SLC38A9: variants seen among roughly 807,000 people sequenced by gnomAD.
The protein encoded by SLC38A9 is solute carrier family 38 member 9, also known as neutral amino acid transporter 9.
Under a neutral mutation model 62.3 loss-of-function variants are expected in SLC38A9, and 48 were observed. The ratio of observed to expected loss-of-function variants is 0.77; its 90% CI spans 0.61 to 0.98. The LOEUF (loss-of-function observed/expected upper bound fraction) is 0.98, where lower values mean the gene tolerates loss of function less well. Among genes scored for constraint, SLC38A9 ranks in the 50% least tolerant of loss-of-function variants. The probability of loss-of-function intolerance (pLI) is 0.00; values close to 1 mark genes in which losing one functional copy is unlikely to be tolerated. For synonymous variants in SLC38A9, 204 were observed against 227.7 expected, an observed-to-expected ratio of 0.90 and a Z score of 0.94; for missense variants, 541 against 679.8, an observed-to-expected ratio of 0.80 and a Z score of 2.27.
intron 9 of SLC38A9, among the ~76,000 whole-genome samples, chr5:55,653,819 C>T (rs564207332): frequency 4.6e-5 from 7 of 152,004 alleles, no homozygotes; most frequent in South Asian, 2.1e-4. Context: ...CCACCATGCC[C>T]GGCTAATTTT....
intron 3 of SLC38A9, chr5:55,691,241 C>T (rs1325385684): frequency 2.6e-6 from 3 of 1,151,584 alleles, no homozygotes; most frequent in Non-Finnish European, 3.8e-6. Flanking sequence ...TAGACTAAGT[C>T]TCTGACATAT....
At chr5:55,707,337 A>C (rs1022312659) in intron 2 of SLC38A9, among the ~76,000 whole-genome samples, 1 of 152,236 alleles carries the variant, frequency 6.6e-6, no homozygotes, top group Non-Finnish European at 1.5e-5. Context: ...AAAATGCTAA[A>C]TACTTCTATA....
chr5:55,627,861 TA>T, intron 15 of SLC38A9, 29 bp downstream of exon 15: 1 of 1,372,142 alleles, frequency 7.3e-7, no homozygotes, highest in Non-Finnish European at 1.0e-6. Context: ...CCAATATATG[TA>T]AGGGCACCAT....
chr5:55,650,673 C>T (rs1010659544), intron 10 of SLC38A9, among the ~76,000 whole-genome samples: 1 of 152,180 alleles, frequency 6.6e-6, no homozygotes, highest in Non-Finnish European at 1.5e-5. Flanking sequence ...GTGTCTATGG[C>T]AGCTTACAGT....
intron 12 of SLC38A9, among the ~76,000 whole-genome samples, chr5:55,640,897 T>C (rs140422174): frequency 0.049 from 7,432 of 152,274 alleles, 311 homozygotes; most frequent in African/African-American, 0.11. Context: ...AGTGCAACAG[T>C]GTGATCTCGG....
chr5:55,639,657 A>T (rs1035983211), intron 12 of SLC38A9, among the ~76,000 whole-genome samples: 2 of 152,206 alleles, frequency 1.3e-5, no homozygotes, highest in East Asian at 3.9e-4. Context: ...GTACTTACTG[A>T]AACTTGCTTA....
chr5:55,652,632 C>T lies in SLC38A9; in HGVS notation c.849G>A (p.Lys283=), dbSNP rs745679332. 1.4e-5 allele frequency: 23 copies of T among 1,613,732 alleles called. No homozygotes were observed. In the African/African-American group the frequency reaches 2.8e-4, roughly 20 times the overall value. The change falls in exon 10 of 16, where the codon AAG becomes AAA. Residue 283 remains lysine (K), a synonymous_variant. Transcript: ENST00000396865. ...ANDTGAQQFE[K]WWDKSRTVPF... ...GGACTGTCCTGGACTTATCCCACCA[C>T]TTTTCAAACTGTTGGGCTCCTGTGT...
intron 12 of SLC38A9, among the ~76,000 whole-genome samples, chr5:55,636,783 G>T (rs1303772584): frequency 6.6e-6 from 1 of 152,182 alleles, no homozygotes; most frequent in Non-Finnish European, 1.5e-5. Context: ...AGTAAGTTAA[G>T]GGTTTTAAAC....
rs766513237 is a variant in SLC38A9, at chr5:55,669,763, T to C, written c.363A>G (p.Val121=). The change falls in exon 5 of 16, where the codon GTA becomes GTG. Residue 121 remains valine (V), a synonymous_variant. Transcript: ENST00000396865. ...CAAAAAGCAGTTTCACTCACATGGT[T>C]ACTAAACTGGTGTTTTTACCGTATC... The part of the protein sequence containing the change: ...TEGYGKNTSL[V]TIFMIWNTMM... 2 of 1,613,188 alleles carry C rather than the reference T, an allele frequency of 1.2e-6. No individual in the cohort carries two copies. The highest frequency in any genetic ancestry group is 1.7e-6 in the Non-Finnish European group (2 of 1,179,792).
At chr5:55,687,343 C>T (rs1353420563) in intron 3 of SLC38A9, among the ~76,000 whole-genome samples, 4 of 135,522 alleles carry the variant, frequency 3.0e-5, no homozygotes, top group Non-Finnish European at 6.1e-5. Context: ...AGGAGAATGG[C>T]GTGAACCCGG....
intron 14 of SLC38A9, among the ~76,000 whole-genome samples, chr5:55,629,916 T>A (rs892430723): frequency 1.4e-5 from 2 of 146,342 alleles, no homozygotes; most frequent in Admixed American, 7.0e-5. Flanking sequence ...ATGAAGTGTG[T>A]CAACATTTGG....
In SLC38A9 at chr5:55,626,457, T is replaced by C. The variant is rs773080808; in HGVS notation, c.*37A>G. 1.3e-6 allele frequency: 2 copies of C among 1,564,256 alleles called. No homozygotes were observed. The highest frequency in any genetic ancestry group is 1.2e-5 in the South Asian group (1 of 86,138). ...ATAGAACTGTTGTCAAGGCTCAAAA[T>C]ATCATGAGAGCTCTTGAAAAAAACA... On this transcript the variant is annotated 3_prime_UTR_variant, in exon 16 of 16. Transcript: ENST00000396865.
chr5:55,691,876 A>G (rs1227773470), intron 3 of SLC38A9, among the ~76,000 whole-genome samples: 2 of 152,194 alleles, frequency 1.3e-5, no homozygotes, highest in Non-Finnish European at 2.9e-5. Context: ...TTATTCCCCT[A>G]TAACAACAAG....
Position 55,652,737 on chromosome 5 carries a change from G to C in SLC38A9, c.758-14C>G. 2 of 1,591,514 alleles carry C rather than the reference G, an allele frequency of 1.3e-6. No homozygotes were observed. Among genetic ancestry groups the C allele is most frequent in the Non-Finnish European group, 1.7e-6 (2 of 1,170,090 alleles). On this transcript the variant is annotated splice_polypyrimidine_tract_variant and intron_variant, in intron 9 of 15. Transcript: ENST00000396865. ...TTGGACAAATCACTGCAATAGGAAAGCACCAGATTAAAGAAGATGACAAAA... is the reference window on the plus strand; with the variant it reads ...TTGGACAAATCACTGCAATAGGAAACCACCAGATTAAAGAAGATGACAAAA...
chr5:55,682,396 T>C (rs1753154113), intron 3 of SLC38A9, among the ~76,000 whole-genome samples: 1 of 152,284 alleles, frequency 6.6e-6, no homozygotes, highest in Admixed American at 6.5e-5. Flanking sequence ...AACCAGAACC[T>C]ATAGCATAGT....
intron 12 of SLC38A9, among the ~76,000 whole-genome samples, chr5:55,637,429 T>C (rs1744611135): frequency 1.3e-5 from 2 of 152,192 alleles, no homozygotes; most frequent in Non-Finnish European, 2.9e-5. Flanking sequence ...TTAATTTTTA[T>C]TATAAAAGTA....
At chr5:55,652,372 A>G (rs1399630026) in intron 10 of SLC38A9, among the ~76,000 whole-genome samples, 157 bp downstream of exon 10, 1 of 150,726 alleles carries the variant, frequency 6.6e-6, no homozygotes, top group Admixed American at 6.6e-5. Context: ...AAAAAAAAAA[A>G]AAAAAGAAAG....
chr5:55,633,578 G>A (rs539269700), intron 14 of SLC38A9, 176 bp downstream of exon 14: 2 of 718,838 alleles, frequency 2.8e-6, no homozygotes, highest in South Asian at 2.1e-5. Context: ...TTCTAGACAA[G>A]GGAGTGGCTT....
At chr5:55,682,638 C>G (rs1280514502) in intron 3 of SLC38A9, among the ~76,000 whole-genome samples, 4 of 152,090 alleles carry the variant, frequency 2.6e-5, no homozygotes, top group Non-Finnish European at 5.9e-5. Flanking sequence ...AGCCAGGCAT[C>G]CTGACATGCA....
Sources: allele counts gnomAD v4.1 joint callset (sites outside exome capture counted in the v4.1 genomes callset), GRCh38; gene constraint gnomAD v4.1.1; transcripts MANE v1.5; gene names NCBI Gene and HGNC (gene_info 2026-07-23, HGNC 2026-07-21).